PEX11G: variants seen among roughly 807,000 people sequenced by gnomAD.
PEX11G encodes the protein peroxisomal biogenesis factor 11 gamma.
PEX11G carries 20 observed loss-of-function variants against 22.5 expected under a neutral mutation model. That is an observed-to-expected ratio of 0.89 (90% CI 0.62 to 1.29). The LOEUF (loss-of-function observed/expected upper bound fraction) is 1.29. Ranked by LOEUF, PEX11G falls within the 50% of genes most tolerant of loss-of-function variation. The probability of loss-of-function intolerance (pLI) is 0.00; values close to 1 mark genes in which losing one functional copy is unlikely to be tolerated. For missense variants in PEX11G, 347 were observed against 331.3 expected (o/e 1.05, Z -0.37); for synonymous variants, 141 against 154.5 (o/e 0.91, Z 0.65).
intron 3 of PEX11G, among the ~76,000 whole-genome samples, chr19:7,481,034 C>G (rs1977467362): frequency 6.6e-6 from 1 of 152,080 alleles, no homozygotes; most frequent in African/African-American, 2.4e-5. Context: ...GACTCAGGGA[C>G]CCGGGTAAAG....
upstream of PEX11G, among the ~76,000 whole-genome samples, chr19:7,490,351 C>T: frequency 6.6e-6 from 1 of 151,914 alleles, no homozygotes; most frequent in East Asian, 1.9e-4. Flanking sequence ...GACGGAGCCT[C>T]GCTCTGTCGC....
chr19:7,490,213 G>C (rs1351397720), upstream of PEX11G, among the ~76,000 whole-genome samples: 1 of 152,048 alleles, frequency 6.6e-6, no homozygotes. Context: ...GCTATATGTT[G>C]AAGGTGCTAT....
chr19:7,494,413 C>T (rs908783198), intron 1 of PEX11G, among the ~76,000 whole-genome samples: 1 of 152,166 alleles, frequency 6.6e-6, no homozygotes, highest in Non-Finnish European at 1.5e-5. Flanking sequence ...AAAAAAAAAT[C>T]CAAAGCCAAG....
chr19:7,490,865 C>A (rs977282036), upstream of PEX11G: 18 of 151,906 alleles, frequency 1.2e-4, no homozygotes, highest in Admixed American at 2.6e-4. Flanking sequence ...CCTTGAACTC[C>A]TGGGATCAAG....
chr19:7,483,079 A>AC lies in PEX11G; in HGVS notation c.250-869dup, dbSNP rs35893969. Among the ~76,000 whole-genome samples the AC allele has an allele frequency of 2.1e-3, 76 of 36,962 alleles. No individual in the cohort carries two copies. In the East Asian group the frequency reaches 0.043, roughly 21 times the overall value. The allele number at this position is 36,962 out of a possible 152,430, so 24.2% of individuals were successfully genotyped here. A position where few individuals can be genotyped will look rare whatever the true frequency, so the allele number is the denominator to read the frequency against. ...GGGGGACCCGCCCCCTTGGGACCCCACCCCCCTTGGGACCCCGCCCACCGT... is the reference window on the plus strand; with the variant it reads ...GGGGGACCCGCCCCCTTGGGACCCCACCCCCCCTTGGGACCCCGCCCACCGT... On this transcript the variant is annotated intron_variant, in intron 2 of 4. Coordinates refer to ENST00000221480, the MANE Select transcript of PEX11G (RefSeq NM_080662.4).
chr19:7,485,003 G>A (rs543558765), intron 2 of PEX11G, among the ~76,000 whole-genome samples: 1 of 152,152 alleles, frequency 6.6e-6, no homozygotes, highest in Non-Finnish European at 1.5e-5. Flanking sequence ...TTTGGGACAA[G>A]ACTATAAAAC....
intron 3 of PEX11G, 120 bp from the exon 4 acceptor site, chr19:7,478,496 C>G (rs1568378334): frequency 1.9e-6 from 2 of 1,031,328 alleles, no homozygotes; most frequent in Admixed American, 4.1e-5. Flanking sequence ...ACGGCCTGCC[C>G]TCTCCCTGCC....
upstream of PEX11G, among the ~76,000 whole-genome samples, chr19:7,491,858 A>G (rs1051230133): frequency 2.6e-5 from 4 of 151,574 alleles, no homozygotes; most frequent in Non-Finnish European, 4.4e-5. Flanking sequence ...CGGTCTCGCT[A>G]TGTTCACCAG....
At chr19:7,482,435 C>T (rs1340069987) in intron 2 of PEX11G, among the ~76,000 whole-genome samples, 1 of 152,208 alleles carries the variant, frequency 6.6e-6, no homozygotes, top group African/African-American at 2.4e-5. Context: ...TGGAGGGAGG[C>T]TCTCAACGCA....
intron 3 of PEX11G, among the ~76,000 whole-genome samples, 183 bp downstream of exon 3, chr19:7,481,850 C>T (rs1051368474): frequency 4.6e-5 from 7 of 152,128 alleles, no homozygotes; most frequent in African/African-American, 1.2e-4. Context: ...TAATTTGTTC[C>T]GACAGTTATT....
At chr19:7,480,117 A>T (rs1977420706) in intron 3 of PEX11G, among the ~76,000 whole-genome samples, 1 of 152,040 alleles carries the variant, frequency 6.6e-6, no homozygotes, top group Admixed American at 6.6e-5. Context: ...AAAATTACAA[A>T]AATTAGCCAG....
At position 7,486,106 on chromosome 19, in the gene PEX11G, C is replaced by T. The variant is rs1002866784; in HGVS notation, c.61-80G>A. On this transcript the variant is annotated intron_variant, in intron 1 of 4. Coordinates refer to ENST00000221480, the MANE Select transcript of PEX11G (RefSeq NM_080662.4). ...GCATCCCCCCATACCTGGCCCCGGG[C>T]CCCGCTGGATTGAGAGTGTGGAAGA... The T allele has an allele frequency of 5.5e-6, 7 of 1,276,658 alleles. No homozygotes were observed. The African/African-American group carries it at 1.0e-4, about 19-fold the overall frequency. 79.1% of individuals were successfully genotyped at this position (1,276,658 alleles called of 1,614,324 possible).
intron 1 of PEX11G, among the ~76,000 whole-genome samples, chr19:7,486,761 A>G (rs2021679877): frequency 6.6e-6 from 1 of 151,850 alleles, no homozygotes; most frequent in South Asian, 2.1e-4. Context: ...CACCAAGCCC[A>G]CCTAATTTTT....
chr19:7,492,592 G>A (rs755670016), upstream of PEX11G, among the ~76,000 whole-genome samples: 10 of 151,958 alleles, frequency 6.6e-5, no homozygotes, highest in East Asian at 1.9e-4. Flanking sequence ...CAGCACACCC[G>A]CCACTGTGCC....
intron 4 of PEX11G, 124 bp downstream of exon 4, chr19:7,478,190 T>C (rs1160917507): frequency 9.8e-7 from 1 of 1,020,040 alleles, no homozygotes; most frequent in East Asian, 2.6e-5. Context: ...GAGGCTGTGA[T>C]GACTCCCCCA....
upstream of PEX11G, chr19:7,489,638 G>A (rs578005019): frequency 3.7e-5 from 12 of 324,922 alleles, no homozygotes; most frequent in South Asian, 1.2e-4. Flanking sequence ...GACCCCCGTA[G>A]GAGACCAGCA....
intron 1 of PEX11G, among the ~76,000 whole-genome samples, chr19:7,494,816 A>G (rs1479685258): frequency 6.6e-6 from 1 of 152,158 alleles, no homozygotes; most frequent in Non-Finnish European, 1.5e-5. Flanking sequence ...GCAGAGCAAG[A>G]CAAAACAAGC....
rs557899460 is a variant in PEX11G at position 7,478,304 on chromosome 19, G to C, written c.491+10C>G. ...GTGGGCCTCCCTGCTGGGTGATCACGGGCTCCTACCTGGTGAAGGGCGCCG... is the reference window on the plus strand; with the variant it reads ...GTGGGCCTCCCTGCTGGGTGATCACCGGCTCCTACCTGGTGAAGGGCGCCG... On this transcript the variant is annotated intron_variant, in intron 4 of 4. Coordinates refer to ENST00000221480, the MANE Select transcript of PEX11G (RefSeq NM_080662.4). 6.2e-7 allele frequency: 1 copy of C among 1,609,742 alleles called. No homozygotes were observed. The highest frequency in any genetic ancestry group is 8.5e-7 in the Non-Finnish European group (1 of 1,179,118).
At chr19:7,494,144 G>T (rs116846426) in intron 1 of PEX11G, among the ~76,000 whole-genome samples, 8,241 of 152,158 alleles carry the variant, frequency 0.054, 321 homozygotes, top group South Asian at 0.11. Flanking sequence ...TGACCTTGGG[G>T]AATCCTCCCA....
Sources: gnomAD v4.1 joint callset for allele counts (sites outside exome capture counted in the v4.1 genomes callset) on GRCh38, gnomAD v4.1.1 for gene constraint, MANE v1.5 for transcripts, NCBI Gene and HGNC (gene_info 2026-07-23, HGNC 2026-07-21) for gene names.